The following STPG2 variants were observed in gnomAD, a reference collection of about 807,000 sequenced individuals.
STPG2 encodes the protein sperm-tail PG-rich repeat-containing protein 2.
A neutral mutation model predicts 54.2 loss-of-function variants in STPG2; 56 were observed. That is an observed-to-expected ratio of 1.03 (90% CI 0.83 to 1.29). The LOEUF is 1.29. Among genes scored for constraint, STPG2 ranks in the 50% most tolerant of loss-of-function variants. The pLI is 0.00. For synonymous variants in STPG2, 200 were observed against 181.8 expected (o/e 1.10, Z -0.81); for missense variants, 596 against 544.9 (o/e 1.09, Z -0.93).
intron 10 of STPG2, among the ~76,000 whole-genome samples, chr4:97,560,098 C>G (rs1358529675): frequency 6.6e-6 from 1 of 152,082 alleles, no homozygotes; most frequent in Non-Finnish European, 1.5e-5. Context: ...CTACAGATTC[C>G]CATGATGACC....
intron 5 of STPG2, among the ~76,000 whole-genome samples, chr4:97,988,429 A>G (rs922405027): frequency 6.6e-6 from 1 of 152,168 alleles, no homozygotes; most frequent in Non-Finnish European, 1.5e-5. Context: ...GCTCACTGCT[A>G]TATCTCTAGA....
intron 8 of STPG2, among the ~76,000 whole-genome samples, chr4:97,906,002 G>T (rs914446734): frequency 6.6e-6 from 1 of 152,054 alleles, no homozygotes; most frequent in African/African-American, 2.4e-5. Flanking sequence ...CAGAAGGCAA[G>T]AAATAACTAA....
chr4:97,703,929 C>T (rs1723867527), intron 10 of STPG2, among the ~76,000 whole-genome samples: 1 of 151,616 alleles, frequency 6.6e-6, no homozygotes, highest in African/African-American at 2.4e-5. Flanking sequence ...AGTCCCAAAA[C>T]TGAAGAACTT....
At chr4:97,673,695 C>T (rs1722761894) in intron 10 of STPG2, among the ~76,000 whole-genome samples, 1 of 151,448 alleles carries the variant, frequency 6.6e-6, no homozygotes, top group South Asian at 2.1e-4. Flanking sequence ...CCTGCATTGG[C>T]AATGTCCCAT....
chr4:98,128,449 T>C lies in STPG2; in HGVS notation c.366A>G (p.Pro122=), dbSNP rs1269808463. ...TTACAAATTGAGGTTTGTAGTATGC[T>C]GGACCAAGTGTACTGTCACAAGCAG... The part of the protein sequence containing the change: ...FPPACDSTLG[P]AYYKPQFDVS... The change falls in exon 3 of 11, where the codon CCA becomes CCG. Residue 122 remains proline, a synonymous_variant. Transcript: ENST00000295268. The C allele has an allele frequency of 6.2e-7, 1 of 1,609,618 alleles. No homozygotes were observed. The highest frequency in any genetic ancestry group is 8.5e-7 in the Non-Finnish European group (1 of 1,178,782).
At chr4:98,012,418 G>C (rs1735787249) in intron 5 of STPG2, among the ~76,000 whole-genome samples, 2 of 152,174 alleles carry the variant, frequency 1.3e-5, no homozygotes, top group African/African-American at 2.4e-5. Flanking sequence ...GCTTAGGATT[G>C]TCTTGGCTAT....
At chr4:97,797,317 T>A (rs1037182615) in intron 9 of STPG2, among the ~76,000 whole-genome samples, 3 of 152,240 alleles carry the variant, frequency 2.0e-5, no homozygotes, top group Admixed American at 6.5e-5. Context: ...TGATATTGGC[T>A]GTGGGTTTGT....
intron 9 of STPG2, among the ~76,000 whole-genome samples, chr4:97,814,324 T>A (rs1203196177): frequency 2.0e-5 from 3 of 152,050 alleles, no homozygotes; most frequent in Admixed American, 1.3e-4. Context: ...AGATACATTT[T>A]GTTTTGTTTT....
chr4:97,688,459 C>T (rs770073035), intron 10 of STPG2, among the ~76,000 whole-genome samples: 4 of 152,070 alleles, frequency 2.6e-5, no homozygotes, highest in South Asian at 2.1e-4. Flanking sequence ...CTCTGCCTCC[C>T]GGGTTCACAC....
At position 97,712,746 on chromosome 4, in the gene STPG2, G is replaced by C; in HGVS notation, c.1273C>G (p.Arg425Gly). 6.2e-7 allele frequency: 1 copy of C among 1,609,788 alleles called. No individual in the cohort carries two copies. The highest frequency in any genetic ancestry group is 8.5e-7 in the Non-Finnish European group (1 of 1,177,338). Residue 425 changes from arginine to glycine, a missense_variant, in exon 10 of 11, where the codon CGC (arginine) becomes GGC (glycine). Physicochemically the swap from Arg to Gly is moderately radical, Grantham distance 125. Transcript: ENST00000295268. ...PIPLFVKASK[R>G]FEESKEITPG... ...GTAATCTCTTTGGACTCTTCAAAGC[G>C]CTTTGATGCTTTCACAAATAAGGGT...
chr4:97,714,205 T>C (rs376682863), intron 9 of STPG2, among the ~76,000 whole-genome samples: 5 of 152,328 alleles, frequency 3.3e-5, no homozygotes, highest in African/African-American at 1.2e-4. Context: ...CTTTGGCAAA[T>C]ACATTCTTGT....
Position 97,792,918 on chromosome 4 carries a change from C to T in STPG2, c.1204+47855G>A, listed in dbSNP as rs1358388384. On this transcript the variant is annotated intron_variant, in intron 9 of 10. Transcript: ENST00000295268. ...TGTAATCGCAGCACTTTGGTAGGCC[C>T]AGGCTGGCAGATTGCATGAGGTCAG... Among the ~76,000 whole-genome samples the T allele has an allele frequency of 2.0e-5, 3 of 152,074 alleles. No individual in the cohort carries two copies. In the East Asian group the frequency reaches 5.8e-4, roughly 29 times the overall value.
At chr4:98,022,665 T>C (rs1397102947) in intron 5 of STPG2, among the ~76,000 whole-genome samples, 1 of 152,198 alleles carries the variant, frequency 6.6e-6, no homozygotes, top group African/African-American at 2.4e-5. Flanking sequence ...CAATCAGACG[T>C]AGATTTGGTC....
At position 97,838,738 on chromosome 4, in the gene STPG2, C is replaced by A. The variant is rs929854325; in HGVS notation, c.1204+2035G>T. 3.3e-5 allele frequency among the ~76,000 whole-genome samples: 5 copies of A among 151,498 alleles called. No individual in the cohort carries two copies. In the South Asian group the frequency reaches 6.2e-4, roughly 19 times the overall value. ...TTAGAGCAAAATTTTGGATGGTATA[C>A]CTTAAGGTAGCAGATTAAATTTAAA... On this transcript the variant is annotated intron_variant, in intron 9 of 10. Coordinates refer to ENST00000295268, the MANE Select transcript of STPG2 (RefSeq NM_174952.3).
chr4:98,024,145 C>T (rs554801929), intron 5 of STPG2, among the ~76,000 whole-genome samples: 30 of 152,278 alleles, frequency 2.0e-4, no homozygotes, highest in South Asian at 6.2e-4. Flanking sequence ...AGCTGTAGAC[C>T]GGAGCTGTTC....
chr4:97,740,562 C>A (rs1044699124), intron 9 of STPG2, among the ~76,000 whole-genome samples: 1 of 151,988 alleles, frequency 6.6e-6, no homozygotes, highest in Non-Finnish European at 1.5e-5. Flanking sequence ...TTCTTATACA[C>A]CAATAACAGA....
chr4:97,529,006 C>A (rs1294930391), intron 4 of STPG2, among the ~76,000 whole-genome samples: 1 of 152,166 alleles, frequency 6.6e-6, no homozygotes, highest in Non-Finnish European at 1.5e-5. Context: ...CTGGCCAGAA[C>A]TTCCAACACT....
chr4:97,452,548 G>A (rs1560614366), intron 4 of STPG2, among the ~76,000 whole-genome samples: 1 of 152,264 alleles, frequency 6.6e-6, no homozygotes, highest in East Asian at 1.9e-4. Flanking sequence ...AAAGCCCCAG[G>A]CTCAGCCAGA....
At chr4:97,528,333 GC>G (rs1221341634) in intron 4 of STPG2, among the ~76,000 whole-genome samples, 3 of 151,980 alleles carry the variant, frequency 2.0e-5, no homozygotes, top group African/African-American at 7.3e-5. Flanking sequence ...TATTTCTGAG[GC>G]CTCTGTTCTA....
Sources: gnomAD v4.1 joint callset for allele counts (sites outside exome capture counted in the v4.1 genomes callset) on GRCh38, gnomAD v4.1.1 for gene constraint, MANE v1.5 for transcripts, NCBI Gene and HGNC (gene_info 2026-07-23, HGNC 2026-07-21) for gene names.